The following UBE3C variants were observed in gnomAD, a reference collection of about 807,000 sequenced individuals.
UBE3C encodes the protein ubiquitin-protein ligase E3C.
UBE3C carries 42 observed loss-of-function variants against 129.4 expected under a neutral mutation model. The ratio of observed to expected loss-of-function variants is 0.32; its 90% CI spans 0.25 to 0.42. The LOEUF (loss-of-function observed/expected upper bound fraction) is 0.42. Ranked by LOEUF, UBE3C falls within the 10% of genes least tolerant of loss-of-function variation. The probability of loss-of-function intolerance (pLI) is 1.00; values close to 1 mark genes in which losing one functional copy is unlikely to be tolerated. For synonymous variants in UBE3C, 510 were observed against 492.4 expected (o/e 1.04, Z -0.47); for missense variants, 1,049 against 1,319.1 (o/e 0.80, Z 3.17).
intron 11 of UBE3C, among the ~76,000 whole-genome samples, chr7:157,206,854 G>A (rs896426429): frequency 3.3e-5 from 5 of 152,242 alleles, no homozygotes; most frequent in African/African-American, 1.2e-4. Context: ...GGGAGCTGGT[G>A]AATAAAGTGG....
chr7:157,149,883 G>T (rs997816784), intron 1 of UBE3C, among the ~76,000 whole-genome samples: 2 of 152,152 alleles, frequency 1.3e-5, no homozygotes, highest in Non-Finnish European at 2.9e-5. Context: ...TAAAGCAGCT[G>T]CTTTCTGCAT....
At position 157,260,537 on chromosome 7, in the gene UBE3C, C is replaced by T. The variant is rs546409890; in HGVS notation, c.3081+3493C>T. ...TGCTGGGGACTAAAGAGCAGGAGGA[C>T]TGCAGGTGAGGCGTGCAGACGACTT... On this transcript the variant is annotated intron_variant, in intron 22 of 22. Coordinates refer to ENST00000348165, the MANE Select transcript of UBE3C (RefSeq NM_014671.3). 2.0e-5 allele frequency among the ~76,000 whole-genome samples: 3 copies of T among 152,310 alleles called. No individual in the cohort carries two copies. In the South Asian group the frequency reaches 6.2e-4, roughly 32 times the overall value.
intron 22 of UBE3C, among the ~76,000 whole-genome samples, chr7:157,262,519 A>G (rs1053038868): frequency 7.2e-6 from 1 of 138,200 alleles, no homozygotes; most frequent in East Asian, 2.3e-4. Flanking sequence ...CCTGGGTTCA[A>G]GTGATTCTCC....
chr7:157,190,651 C>T (rs191576276), intron 10 of UBE3C, among the ~76,000 whole-genome samples: 428 of 152,252 alleles, frequency 2.8e-3, no homozygotes, highest in Non-Finnish European at 4.5e-3. Flanking sequence ...CATGGTTTGC[C>T]AGCCTGACTT....
chr7:157,237,919 G>A (rs1406788865), intron 18 of UBE3C, among the ~76,000 whole-genome samples: 1 of 151,818 alleles, frequency 6.6e-6, no homozygotes, highest in African/African-American at 2.4e-5. Flanking sequence ...AGGCATGGTG[G>A]TGTGTGTCTG....
intron 1 of UBE3C, among the ~76,000 whole-genome samples, chr7:157,143,810 A>G (rs1807526360): frequency 6.6e-6 from 1 of 152,186 alleles, no homozygotes; most frequent in Admixed American, 6.5e-5. Flanking sequence ...GGGGTTATCA[A>G]CAGAATGGTG....
chr7:157,165,940 T>C (rs1313555973), intron 2 of UBE3C, among the ~76,000 whole-genome samples: 2 of 152,214 alleles, frequency 1.3e-5, no homozygotes, highest in Non-Finnish European at 2.9e-5. Context: ...TGCTTTTCTT[T>C]TGATGCTTTT....
chr7:157,224,190 T>A (rs1049687432), intron 16 of UBE3C, among the ~76,000 whole-genome samples: 2 of 151,664 alleles, frequency 1.3e-5, no homozygotes, highest in African/African-American at 4.8e-5. Context: ...CACTACTTTA[T>A]TTTTTTTGTT....
chr7:157,152,782 C>G lies in UBE3C; in HGVS notation c.67-11028C>G, dbSNP rs571827856. On this transcript the variant is annotated intron_variant, in intron 1 of 22. Coordinates refer to ENST00000348165, the MANE Select transcript of UBE3C (RefSeq NM_014671.3). ...CATCTTGCTTCTGTCTCCTGCTTTA[C>G]TTGTGCATTCCTGTAACTGCTTGGG... 2.0e-5 allele frequency among the ~76,000 whole-genome samples: 3 copies of G among 152,312 alleles called. No individual in the cohort carries two copies. The South Asian group carries it at 6.2e-4, about 32-fold the overall frequency.
chr7:157,150,284 C>T (rs1343772512), intron 1 of UBE3C, among the ~76,000 whole-genome samples: 4 of 151,844 alleles, frequency 2.6e-5, no homozygotes, highest in Non-Finnish European at 4.4e-5. Context: ...GAGGCAGAGG[C>T]GGGAGAATCG....
intron 18 of UBE3C, among the ~76,000 whole-genome samples, chr7:157,237,406 A>T (rs1338151708): frequency 6.6e-6 from 1 of 152,120 alleles, no homozygotes; most frequent in Non-Finnish European, 1.5e-5. Context: ...GCGCCACTGC[A>T]CTCCAGCCTG....
At chr7:157,139,758 A>G (rs1237204456) in intron 1 of UBE3C, among the ~76,000 whole-genome samples, 5 of 152,200 alleles carry the variant, frequency 3.3e-5, no homozygotes, top group African/African-American at 7.2e-5. Flanking sequence ...CCTTTCAGAA[A>G]TGCGCTTTCC....
At chr7:157,255,167 C>A (rs866700847) in intron 21 of UBE3C, among the ~76,000 whole-genome samples, 12 of 151,676 alleles carry the variant, frequency 7.9e-5, no homozygotes, top group Middle Eastern at 3.4e-3. Context: ...GCAAAAAAAA[C>A]CAGATGTTTA....
rs191157010 is a variant in UBE3C at position 157,243,581 on chromosome 7, G to A, written c.2482-4787G>A. ...CCCACGGCCTGGCCCCTCCCAGGGA[G>A]CTTGGTGTCCTCCTGCTGCTGTTCC... On this transcript the variant is annotated intron_variant, in intron 18 of 22. Coordinates refer to ENST00000348165, the MANE Select transcript of UBE3C (RefSeq NM_014671.3). Among the ~76,000 whole-genome samples, 222 of 152,316 alleles carry A rather than the reference G, an allele frequency of 1.5e-3. 1 individual carries two copies. Among genetic ancestry groups the A allele is most frequent in the Middle Eastern group, 3.4e-3 (1 of 294 alleles).
intron 1 of UBE3C, among the ~76,000 whole-genome samples, chr7:157,154,722 T>C (rs1807855302): frequency 6.6e-6 from 1 of 152,218 alleles, no homozygotes; most frequent in South Asian, 2.1e-4. Context: ...TTTAAATGAT[T>C]GCGTTTTGCA....
chr7:157,221,021 G>A, intron 15 of UBE3C: 1 of 428,140 alleles, frequency 2.3e-6, no homozygotes, highest in Non-Finnish European at 4.3e-6. Context: ...GCCTCCAAAG[G>A]GAACCATGCT....
chr7:157,186,307 T>C (rs1289042769), intron 9 of UBE3C, among the ~76,000 whole-genome samples: 1 of 151,746 alleles, frequency 6.6e-6, no homozygotes, highest in Non-Finnish European at 1.5e-5. Flanking sequence ...AAGTCCCAGC[T>C]ACTTGGGAAG....
intron 1 of UBE3C, among the ~76,000 whole-genome samples, chr7:157,157,540 T>C (rs746064135): frequency 1.3e-5 from 2 of 152,240 alleles, no homozygotes; most frequent in Non-Finnish European, 2.9e-5. Context: ...TTTGGAAATA[T>C]TCATTAAAAT....
intron 13 of UBE3C, among the ~76,000 whole-genome samples, chr7:157,214,180 ACTT>A (rs1809671758): frequency 1.3e-5 from 2 of 152,254 alleles, no homozygotes; most frequent in African/African-American, 4.8e-5. Context: ...ACATGTGATT[ACTT>A]CTTTTTTCAT....
Sources: allele counts gnomAD v4.1 joint callset (sites outside exome capture counted in the v4.1 genomes callset), GRCh38; gene constraint gnomAD v4.1.1; transcripts MANE v1.5; gene names NCBI Gene and HGNC (gene_info 2026-07-23, HGNC 2026-07-21).